DCX: variants seen among roughly 807,000 people sequenced by gnomAD.
DCX encodes doublecortin.
Under a neutral mutation model 20.9 loss-of-function variants are expected in DCX, and 4 were observed. That is an observed-to-expected ratio of 0.19 (90% CI 0.09 to 0.44). DCX has a LOEUF of 0.44. Ranked by LOEUF, DCX falls within the 20% of genes least tolerant of loss-of-function variation. The pLI is 0.99. For synonymous variants in DCX, 103 were observed against 111.4 expected (o/e 0.92, Z 0.47); for missense variants, 133 against 296.9 (o/e 0.45, Z 4.06).
At position 111,397,464 on chromosome X, in the gene DCX, TAATC is replaced by T. The variant is rs767064851; in HGVS notation, c.705+3522_705+3525del. Among the ~76,000 whole-genome samples, 3 of 111,970 alleles carry T rather than the reference TAATC, an allele frequency of 2.7e-5. No homozygotes were observed. The South Asian group carries it at 1.1e-3, about 42-fold the overall frequency. ...CGCAAGCAGTACGAATACCCACTAATAATCAAAGTGATTGACAGGTGTTAACTTT... is the reference window on the plus strand; with the variant it reads ...CGCAAGCAGTACGAATACCCACTAATAAAGTGATTGACAGGTGTTAACTTT... On this transcript the variant is annotated intron_variant, in intron 3 of 6. Coordinates refer to ENST00000636035, the MANE Select transcript of DCX (RefSeq NM_001195553.2).
intron 3 of DCX, among the ~76,000 whole-genome samples, chrX:111,399,831 T>C (rs1236874547): frequency 2.7e-5 from 3 of 111,622 alleles, no homozygotes; most frequent in African/African-American, 9.8e-5. Flanking sequence ...AAGTCAGGTA[T>C]AACCAATGTG....
chrX:111,385,718 C>CAAGGAAGG (rs200945198), intron 3 of DCX, among the ~76,000 whole-genome samples: 2,505 of 81,991 alleles, frequency 0.031, 63 homozygotes, highest in Middle Eastern at 0.078. Flanking sequence ...AGCAAGAAAG[C>CAAGGAAGG]AAGGAAGGAA....
intron 5 of DCX, 123 bp from the exon 6 acceptor site, chrX:111,312,859 G>T (rs2095060676): frequency 3.1e-6 from 2 of 653,641 alleles, no homozygotes; most frequent in Non-Finnish European, 4.9e-6. Flanking sequence ...CAAGTGATTT[G>T]GTGAGTAGAA....
rs144457155 is a variant in DCX at position 111,384,607 on chromosome X, C to T, written c.705+16383G>A. Among the ~76,000 whole-genome samples, 170 of 111,657 alleles carry T rather than the reference C, an allele frequency of 1.5e-3. 1 individual carries two copies. The highest frequency in any genetic ancestry group is 5.2e-3 in the African/African-American group (159 of 30,765). Reference sequence around the variant, plus strand: ...TACTCTGCAAATAACGGATGCATTGCGGTTTAATGATTATAAAGGACCATC... The same window carrying T: ...TACTCTGCAAATAACGGATGCATTGTGGTTTAATGATTATAAAGGACCATC... On this transcript the variant is annotated intron_variant, in intron 3 of 6. Transcript: ENST00000636035.
At chrX:111,410,572 A>G (rs1359129897) in intron 1 of DCX, 152 bp from the exon 2 acceptor site, 16 of 880,609 alleles carry the variant, frequency 1.8e-5, no homozygotes, top group Non-Finnish European at 2.6e-5. Flanking sequence ...CCTGTGACCC[A>G]TCTGCTGCTT....
intron 3 of DCX, among the ~76,000 whole-genome samples, chrX:111,362,452 C>G (rs1924283408): frequency 9.0e-6 from 1 of 111,309 alleles, no homozygotes; most frequent in Non-Finnish European, 1.9e-5. Context: ...TTCAGTTCCC[C>G]CACCATCCTA....
At chrX:111,400,884 T>G (rs1927717793) in intron 3 of DCX, 106 bp downstream of exon 3, 42 of 722,571 alleles carry the variant, frequency 5.8e-5, no homozygotes, top group Non-Finnish European at 8.3e-5. Context: ...GTTGTGATGA[T>G]GAGATGTGGA....
chrX:111,331,038 C>T lies in DCX; in HGVS notation c.812G>A (p.Cys271Tyr). Residue 271 changes from cysteine (C) to tyrosine (Y), a missense_variant, in exon 5 of 7, where the codon TGC becomes TAC. Cys to Tyr is a radical substitution (Grantham distance 194). Transcript: ENST00000636035. ...TGATGGGTTTCCCTTCATGACTCGGCATTCTGGGGCAAAAGGACACAGACA... is the reference window on the plus strand; with the variant it reads ...TGATGGGTTTCCCTTCATGACTCGGTATTCTGGGGCAAAAGGACACAGACA... ...QDDFSLDENE[C>Y]RVMKGNPSAT... 1 of 1,210,710 alleles carries T rather than the reference C, an allele frequency of 8.3e-7. No homozygotes were observed. The highest frequency in any genetic ancestry group is 1.1e-6 in the Non-Finnish European group (1 of 894,929).
At chrX:111,351,729 GGCCAATAA>G (rs909122527) in intron 3 of DCX, among the ~76,000 whole-genome samples, 3 of 111,816 alleles carry the variant, frequency 2.7e-5, no homozygotes, top group Admixed American at 9.5e-5. Context: ...GAAGGCTCAA[GGCCAATAA>G]GCTTTCAGAA....
intron 5 of DCX, among the ~76,000 whole-genome samples, chrX:111,324,782 T>A (rs1298835998): frequency 1.8e-5 from 2 of 112,100 alleles, no homozygotes; most frequent in Non-Finnish European, 3.8e-5. Context: ...GAATTCATCT[T>A]AACATCCCTT....
rs1281030511 is a variant in DCX, at chrX:111,296,949, C to T, written c.*4738G>A. The T allele has an allele frequency of 9.0e-6, 1 of 110,550 alleles. No homozygotes were observed. The highest frequency in any genetic ancestry group is 1.9e-5 in the Non-Finnish European group (1 of 52,909). 9.1% of individuals were successfully genotyped at this position (110,550 alleles called of 1,213,427 possible). A position where few individuals can be genotyped will look rare whatever the true frequency, so the allele number is the denominator to read the frequency against. On this transcript the variant is annotated 3_prime_UTR_variant, in exon 7 of 7. Transcript: ENST00000636035. ...ACAAAAACAATTTCTGGGGACCAGG[C>T]TTTAGGAGAAAGGGAGGGAAGGCAC...
At chrX:111,345,324 T>C (rs1922707994) in intron 3 of DCX, among the ~76,000 whole-genome samples, 1 of 111,961 alleles carries the variant, frequency 8.9e-6, no homozygotes, top group Admixed American at 9.4e-5. Flanking sequence ...ATTCAGGACA[T>C]AGGCACGGAC....
chrX:111,355,737 G>T lies in DCX; in HGVS notation c.706-22584C>A, dbSNP rs142533823. ...GGGGAAAGGAAGACAGACAAGGGAG[G>T]GCCATCCAAAATGCTTATTGGGCCA... On this transcript the variant is annotated intron_variant, in intron 3 of 6. Coordinates refer to ENST00000636035, the MANE Select transcript of DCX (RefSeq NM_001195553.2). 1.6e-3 allele frequency among the ~76,000 whole-genome samples: 176 copies of T among 111,487 alleles called. 1 individual carries two copies. Among genetic ancestry groups the T allele is most frequent in the African/African-American group, 5.5e-3 (169 of 30,727 alleles).
chrX:111,378,453 G>GAAC lies in DCX; in HGVS notation c.705+22534_705+22536dup, dbSNP rs61226974. Among the ~76,000 whole-genome samples, 85 of 111,784 alleles carry GAAC rather than the reference G, an allele frequency of 7.6e-4. No individual in the cohort carries two copies. In the East Asian group the frequency reaches 0.023, roughly 30 times the overall value. ...AAGCTACCCACATGAATTCTGATAT[G>GAAC]AACAACACACTGCAAAATACTGGTT... On this transcript the variant is annotated intron_variant, in intron 3 of 6. Transcript: ENST00000636035.
chrX:111,376,384 C>A (rs1164844002), intron 3 of DCX, among the ~76,000 whole-genome samples: 1 of 111,115 alleles, frequency 9.0e-6, no homozygotes, highest in Admixed American at 9.6e-5. Flanking sequence ...AAATGAGAGG[C>A]TACAAAATTA....
chrX:111,408,632 G>GAGAAAGAAAGAA (rs61699743), intron 2 of DCX, among the ~76,000 whole-genome samples: 1,739 of 77,966 alleles, frequency 0.022, 34 homozygotes, highest in East Asian at 0.048. Flanking sequence ...AGAAAGAAAA[G>GAGAAAGAAAGAA]AGAAAGAAAG....
intron 3 of DCX, among the ~76,000 whole-genome samples, chrX:111,372,986 G>A (rs1341558596): frequency 1.8e-5 from 2 of 111,233 alleles, no homozygotes; most frequent in East Asian, 5.7e-4. Context: ...AGCTAAATGA[G>A]TGTCTGGGGT....
chrX:111,309,435 C>T (rs1051066207), intron 6 of DCX, among the ~76,000 whole-genome samples: 2 of 112,130 alleles, frequency 1.8e-5, no homozygotes, highest in African/African-American at 6.5e-5. Flanking sequence ...TGCTAAGGTT[C>T]AGGTAGCTGT....
chrX:111,341,748 A>G (rs1207526824), intron 3 of DCX, among the ~76,000 whole-genome samples: 1 of 111,759 alleles, frequency 8.9e-6, no homozygotes, highest in Non-Finnish European at 1.9e-5. Flanking sequence ...AGAATTTTCC[A>G]CTGAGAATTT....
Sources: allele counts gnomAD v4.1 joint callset (sites outside exome capture counted in the v4.1 genomes callset), GRCh38; gene constraint gnomAD v4.1.1; transcripts MANE v1.5; gene names NCBI Gene and HGNC (gene_info 2026-07-23, HGNC 2026-07-21).